Variants in DSC3 observed in about 807,000 individuals in gnomAD.
DSC3 encodes the protein desmocollin 3.
In DSC3, 97 loss-of-function variants were observed where a neutral mutation model predicts 89.5. The observed-to-expected ratio is 1.08, with a 90% CI of 0.92 to 1.28. DSC3 has a LOEUF of 1.28. Among genes scored for constraint, DSC3 ranks in the 50% most tolerant of loss-of-function variants. DSC3 has a pLI of 0.00. For synonymous variants in DSC3, 436 were observed against 384.1 expected (o/e 1.14, Z -1.58); for missense variants, 1,199 against 1,085.3 (o/e 1.10, Z -1.47).
chr18:31,025,705 T>C, intron 5 of DSC3, 55 bp downstream of exon 5: 1 of 1,553,694 alleles, frequency 6.4e-7, no homozygotes, highest in African/African-American at 1.4e-5. Context: ...GGAGTAAGCA[T>C]CAGAAGAAAC....
At chr18:31,007,480 T>C (rs1984892503) in intron 11 of DSC3, among the ~76,000 whole-genome samples, 1 of 152,288 alleles carries the variant, frequency 6.6e-6, no homozygotes, top group Admixed American at 6.5e-5. Flanking sequence ...CCAGTATATA[T>C]TCAAACCACT....
rs749772836 is a variant in DSC3, at chr18:31,042,687, C to A, written c.-27G>T. 7.8e-6 allele frequency: 12 copies of A among 1,545,278 alleles called. No individual in the cohort carries two copies. In the African/African-American group the frequency reaches 1.6e-4, roughly 21 times the overall value. On this transcript the variant is annotated 5_prime_UTR_variant, in exon 1 of 16. Transcript: ENST00000360428. ...GGGATGCCGGGCAGGGCCAGGAGAA[C>A]GCGGGCGCCGGGAGGGTGCCGAGAG...
rs747532591 is a variant in DSC3, at chr18:31,025,914, A to T, written c.476T>A (p.Val159Asp). ...ATAGTTCTGTGCTGCATCAGATTCA[A>T]CCTAAAAGTAGAAAAAAAATATGCA... The part of the protein sequence containing the change: ...LGPFPLFLQQ[V>D]ESDAAQNYTV... The change falls in exon 5 of 16, where the codon GTT becomes GAT. Residue 159 changes from valine to aspartate, a missense_variant and splice_region_variant. By Grantham distance (152) the Val-to-Asp change is radical. Transcript: ENST00000360428. The T allele has an allele frequency of 1.2e-6, 2 of 1,610,722 alleles. No homozygotes were observed. Among genetic ancestry groups the T allele is most frequent in the Non-Finnish European group, 1.7e-6 (2 of 1,178,624 alleles).
intron 15 of DSC3, among the ~76,000 whole-genome samples, chr18:30,995,996 A>AAAAAAAAAGAAAG (rs1555631968): frequency 1.2e-4 from 16 of 136,410 alleles, no homozygotes; most frequent in African/African-American, 3.6e-4. Context: ...AAAAAAAAAA[A>AAAAAAAAAGAAAG]AAAGAAAAGA....
rs2144662483 is a variant in DSC3 at position 30,991,246 on chromosome 18, T to G, written c.*2929A>C. 6.5e-6 allele frequency: 1 copy of G among 152,756 alleles called. No homozygotes were observed. The highest frequency in any genetic ancestry group is 2.1e-4 in the South Asian group (1 of 4,828). 9.5% of individuals were successfully genotyped at this position (152,756 alleles called of 1,614,324 possible). A position where few individuals can be genotyped will look rare whatever the true frequency, so the allele number is the denominator to read the frequency against. ...CCCCACTGCATTTTAGACAGCTGCT[T>G]CCTTATAAAAGTAAGAAAAAACATT... On this transcript the variant is annotated 3_prime_UTR_variant, in exon 16 of 16. Transcript: ENST00000360428.
intron 6 of DSC3, 128 bp from the exon 7 acceptor site, chr18:31,022,630 G>T: frequency 3.5e-6 from 4 of 1,146,056 alleles, no homozygotes; most frequent in Non-Finnish European, 5.0e-6. Flanking sequence ...TATTACCAGA[G>T]TATTATTTCA....
At chr18:31,015,416 G>T (rs1372839322) in intron 9 of DSC3, among the ~76,000 whole-genome samples, 2 of 152,050 alleles carry the variant, frequency 1.3e-5, no homozygotes, top group African/African-American at 2.4e-5. Flanking sequence ...TCTATGGTCA[G>T]AACTCCTTGG....
At position 31,008,004 on chromosome 18, in the gene DSC3, C is replaced by T. The variant is rs1221671702; in HGVS notation, c.1663+12G>A. 1.6e-5 allele frequency: 25 copies of T among 1,598,672 alleles called. No homozygotes were observed. Among genetic ancestry groups the T allele is most frequent in the Non-Finnish European group, 2.1e-5 (25 of 1,168,334 alleles). On this transcript the variant is annotated intron_variant, in intron 11 of 15. Coordinates refer to ENST00000360428, the MANE Select transcript of DSC3 (RefSeq NM_001941.5). The stretch of plus-strand genomic sequence containing the variant: ...TCCTTTATAGAATACCAGATTAAAA[C>T]TTTTTTTTTACCTTTGTCTATTGCC...
chr18:31,042,694 G>T lies in DSC3; in HGVS notation c.-34C>A, dbSNP rs1258396267. 6.5e-7 allele frequency: 1 copy of T among 1,541,878 alleles called. No homozygotes were observed. Among genetic ancestry groups the T allele is most frequent in the Admixed American group, 2.0e-5 (1 of 50,560 alleles). On this transcript the variant is annotated 5_prime_UTR_variant, in exon 1 of 16. Transcript: ENST00000360428. The stretch of plus-strand genomic sequence containing the variant: ...CGGGCAGGGCCAGGAGAACGCGGGC[G>T]CCGGGAGGGTGCCGAGAGCGAGACC...
intron 13 of DSC3, among the ~76,000 whole-genome samples, chr18:31,003,094 T>C (rs1260985820): frequency 6.6e-6 from 1 of 152,222 alleles, no homozygotes; most frequent in Non-Finnish European, 1.5e-5. Flanking sequence ...GACTGAAAGT[T>C]CTTCCCCCAG....
At chr18:31,005,410 A>C (rs1984804196) in intron 12 of DSC3, among the ~76,000 whole-genome samples, 1 of 152,114 alleles carries the variant, frequency 6.6e-6, no homozygotes, top group African/African-American at 2.4e-5. Context: ...AAAAGATGTA[A>C]ATCTGGGAAT....
intron 7 of DSC3, 74 bp downstream of exon 7, chr18:31,022,262 T>C: frequency 6.4e-7 from 1 of 1,551,566 alleles, no homozygotes; most frequent in Non-Finnish European, 8.9e-7. Context: ...ATCCACAGGA[T>C]AGCAAGTTAT....
At position 30,996,920 on chromosome 18, in the gene DSC3, G is replaced by A. The variant is rs990454578; in HGVS notation, c.2364C>T (p.Thr788=). Residue 788 remains threonine (T), a synonymous_variant, in exon 15 of 16, where the codon ACC becomes ACT. Coordinates refer to ENST00000360428, the MANE Select transcript of DSC3 (RefSeq NM_001941.5). ...GCCCAGCCCCCCGGCAGGATTCCAA[G>A]GTCTGGTTTCCTCCTTTCATCATTT... The part of the protein sequence containing the change: ...TIEMMKGGNQ[T]LESCRGAGHH... 1.2e-6 allele frequency: 2 copies of A among 1,613,998 alleles called. No homozygotes were observed. Among genetic ancestry groups the A allele is most frequent in the African/African-American group, 1.3e-5 (1 of 74,978 alleles).
intron 15 of DSC3, among the ~76,000 whole-genome samples, chr18:30,995,092 G>T (rs540639523): frequency 6.6e-6 from 1 of 152,104 alleles, no homozygotes; most frequent in African/African-American, 2.4e-5. Context: ...TAATGAAGAC[G>T]CCATGCATTC....
intron 14 of DSC3, 130 bp from the exon 15 acceptor site, chr18:30,997,178 T>A (rs1363295682): frequency 1.6e-5 from 19 of 1,182,146 alleles, no homozygotes; most frequent in Non-Finnish European, 1.9e-5. Context: ...AACAGACATT[T>A]ATCAGTTTCT....
intron 11 of DSC3, 87 bp from the exon 12 acceptor site, chr18:31,007,218 T>A (rs576007869): frequency 1.1e-6 from 1 of 885,764 alleles, no homozygotes; most frequent in South Asian, 1.5e-5. Context: ...ATTCTATACA[T>A]GATCTGTTTT....
At chr18:31,003,449 G>T (rs76062217) in intron 13 of DSC3, among the ~76,000 whole-genome samples, 3,059 of 152,092 alleles carry the variant, frequency 0.02, 112 homozygotes, top group African/African-American at 0.07. Context: ...AATTTACTAC[G>T]TACTGTTCTA....
At chr18:30,995,650 A>C (rs1598595287) in intron 15 of DSC3, among the ~76,000 whole-genome samples, 1 of 152,322 alleles carries the variant, frequency 6.6e-6, no homozygotes, top group African/African-American at 2.4e-5. Context: ...AGAGTAGAAC[A>C]CAGCCATTAG....
At position 31,024,381 on chromosome 18, in the gene DSC3, T is replaced by A; in HGVS notation, c.743A>T (p.Tyr248Phe). The change falls in exon 6 of 16, where the codon TAT (tyrosine) becomes TTT (phenylalanine). Residue 248 changes from tyrosine to phenylalanine, a missense_variant. By Grantham distance (22) the Tyr-to-Phe change is conservative. Coordinates refer to ENST00000360428, the MANE Select transcript of DSC3 (RefSeq NM_001941.5). ...ACTACTTTCCAAAACTTCAAAATTA[T>A]AAATTGCTTCTGTGAAAACAGGGTG... is the stretch of plus-strand genomic sequence containing the variant. ...DNHPVFTEAI[Y>F]NFEVLESSRP... 6.2e-7 allele frequency: 1 copy of A among 1,607,640 alleles called. No homozygotes were observed. Among genetic ancestry groups the A allele is most frequent in the Non-Finnish European group, 8.5e-7 (1 of 1,176,000 alleles).
Sources: allele counts gnomAD v4.1 joint callset (sites outside exome capture counted in the v4.1 genomes callset), GRCh38; gene constraint gnomAD v4.1.1; transcripts MANE v1.5; gene names NCBI Gene and HGNC (gene_info 2026-07-23, HGNC 2026-07-21).